CABLES1: variants seen among roughly 807,000 people sequenced by gnomAD.
CABLES1 encodes Cdk5 and Abl enzyme substrate 1, also known as CDK5 and ABL1 enzyme substrate 1.
A neutral mutation model predicts 57.8 loss-of-function variants in CABLES1; 36 were observed. The ratio of observed to expected loss-of-function variants is 0.62; its 90% CI spans 0.48 to 0.82. The LOEUF is 0.82. Ranked by LOEUF, CABLES1 falls within the 40% of genes least tolerant of loss-of-function variation. CABLES1 has a pLI of 0.00. For missense variants in CABLES1, 767 were observed against 836.6 expected, an observed-to-expected ratio of 0.92 and a Z score of 1.03; for synonymous variants, 374 against 363.0, an observed-to-expected ratio of 1.03 and a Z score of -0.35.
rs1007154610 is a variant in CABLES1 at position 23,246,647 on chromosome 18, T to C, written c.1447-6313T>C. On this transcript the variant is annotated intron_variant, in intron 7 of 9. Coordinates refer to ENST00000256925, the MANE Select transcript of CABLES1 (RefSeq NM_001100619.3). ...ACCTTGTGATCCGCCCACCTTGGCC[T>C]CCCAAAGTGCTGGGATTATATGCTT... Among the ~76,000 whole-genome samples, 5 of 151,728 alleles carry C rather than the reference T, an allele frequency of 3.3e-5. 1 individual carries two copies. The highest frequency in any genetic ancestry group is 7.3e-5 in the African/African-American group (3 of 41,088).
At chr18:23,143,823 A>G (rs2046873549) in intron 1 of CABLES1, among the ~76,000 whole-genome samples, 1 of 3,356 alleles carries the variant, frequency 3.0e-4, no homozygotes, top group South Asian at 0.02. Context: ...GACCCCTGTC[A>G]ATCCCTCCCC....
chr18:23,201,092 A>G (rs1449212057), intron 3 of CABLES1, among the ~76,000 whole-genome samples: 1 of 152,248 alleles, frequency 6.6e-6, no homozygotes, highest in Non-Finnish European at 1.5e-5. Flanking sequence ...CAAGATGCAG[A>G]TACTTCATTC....
chr18:23,212,994 CA>C (rs2047415737), intron 3 of CABLES1, among the ~76,000 whole-genome samples: 1 of 152,094 alleles, frequency 6.6e-6, no homozygotes, highest in Non-Finnish European at 1.5e-5. Context: ...ACGGTAAAAT[CA>C]GGGAAATTCT....
chr18:23,257,339 A>G lies in CABLES1; in HGVS notation c.1874A>G (p.His625Arg). ...LHLPEHEVMPHYRRLVQSS is the reference protein window; with the variant it reads ...LHLPEHEVMPRYRRLVQSS ...TTGCCCGAGCACGAAGTCATGCCCCACTACAGACGGCTGGTCCAGAGTTCC... is the reference window on the plus strand; with the variant it reads ...TTGCCCGAGCACGAAGTCATGCCCCGCTACAGACGGCTGGTCCAGAGTTCC... Residue 625 changes from histidine (H) to arginine (R), a missense_variant, in exon 10 of 10, where the codon CAC becomes CGC. Coordinates refer to ENST00000256925, the MANE Select transcript of CABLES1 (RefSeq NM_001100619.3). The G allele has an allele frequency of 1.2e-6, 2 of 1,611,732 alleles. No homozygotes were observed. The highest frequency in any genetic ancestry group is 1.7e-6 in the Non-Finnish European group (2 of 1,179,452).
chr18:23,240,108 A>G (rs1312840116), intron 7 of CABLES1, among the ~76,000 whole-genome samples: 2 of 152,148 alleles, frequency 1.3e-5, no homozygotes, highest in Non-Finnish European at 2.9e-5. Flanking sequence ...ATAAAGCAAG[A>G]CCCTGTCTCA....
Position 23,164,148 on chromosome 18 carries a change from G to C in CABLES1, c.846-24690G>C, listed in dbSNP as rs2047024322. ...ATAATTGTTTCAGAAACTTAATGCA[G>C]TTCAAAATATCACTTTCCCCTGAAG... is the stretch of plus-strand genomic sequence containing the variant. On this transcript the variant is annotated intron_variant, in intron 1 of 9. Transcript: ENST00000256925. 2.0e-5 allele frequency among the ~76,000 whole-genome samples: 3 copies of C among 152,190 alleles called. 1 individual carries two copies. In the South Asian group the frequency reaches 6.2e-4, roughly 31 times the overall value.
intron 1 of CABLES1, among the ~76,000 whole-genome samples, chr18:23,161,465 T>C (rs1296200422): frequency 6.6e-6 from 1 of 151,098 alleles, no homozygotes; most frequent in African/African-American, 2.4e-5. Flanking sequence ...GTGGGCTCCC[T>C]CTTTCTTGCA....
intron 7 of CABLES1, among the ~76,000 whole-genome samples, chr18:23,244,837 AGGTCAGAGAACAGT>A (rs934107936): frequency 9.8e-5 from 15 of 152,364 alleles, no homozygotes; most frequent in African/African-American, 3.6e-4. Context: ...GGCTGGCAGT[AGGTCAGAGAACAGT>A]GGCCGAGTGT....
intron 1 of CABLES1, among the ~76,000 whole-genome samples, chr18:23,159,066 A>G (rs1033261818): frequency 5.9e-5 from 9 of 152,150 alleles, no homozygotes; most frequent in Non-Finnish European, 1.2e-4. Flanking sequence ...CTTGAGTTCA[A>G]GCGATTCTCC....
chr18:23,230,148 G>A lies in CABLES1; in HGVS notation c.1089-4460G>A, dbSNP rs182848786. On this transcript the variant is annotated intron_variant, in intron 4 of 9. Coordinates refer to ENST00000256925, the MANE Select transcript of CABLES1 (RefSeq NM_001100619.3). The stretch of plus-strand genomic sequence containing the variant: ...CAGCACTTTGGGAGGCCAGGCGGGC[G>A]GATCACAAGGTCAGGAGATCGAGAC... Among the ~76,000 whole-genome samples, 865 of 152,294 alleles carry A rather than the reference G, an allele frequency of 5.7e-3. 3 individuals are homozygous for A. The highest frequency in any genetic ancestry group is 0.014 in the Middle Eastern group (4 of 294).
chr18:23,258,549 C>G lies in CABLES1; in HGVS notation c.*1182C>G, dbSNP rs1398017677. On this transcript the variant is annotated 3_prime_UTR_variant, in exon 10 of 10. Transcript: ENST00000256925. ...AGTCTGTATGAGGCATGTCACCACA[C>G]TGTCGCCTCATAGCTGCAAGAGAGA... is the stretch of plus-strand genomic sequence containing the variant. The G allele has an allele frequency of 1.3e-5, 2 of 152,232 alleles. No individual in the cohort carries two copies. Among genetic ancestry groups the G allele is most frequent in the Admixed American group, 1.3e-4 (2 of 15,284 alleles). 9.4% of individuals were successfully genotyped at this position (152,232 alleles called of 1,614,324 possible).
At chr18:23,174,287 C>T (rs1245705090) in intron 1 of CABLES1, among the ~76,000 whole-genome samples, 2 of 152,182 alleles carry the variant, frequency 1.3e-5, no homozygotes, top group East Asian at 1.9e-4. Flanking sequence ...ATCAGTACTT[C>T]GTTCCTTCTC....
At chr18:23,209,882 G>A (rs1476946002) in intron 3 of CABLES1, among the ~76,000 whole-genome samples, 6 of 152,122 alleles carry the variant, frequency 3.9e-5, no homozygotes, top group African/African-American at 1.4e-4. Context: ...ACCTTGCGGG[G>A]GGGCGGTCCT....
chr18:23,227,415 CA>C (rs1318109945), intron 4 of CABLES1, among the ~76,000 whole-genome samples: 1 of 152,182 alleles, frequency 6.6e-6, no homozygotes, highest in Non-Finnish European at 1.5e-5. Flanking sequence ...TGCCTTTAGA[CA>C]AAGATTTGGT....
chr18:23,227,251 C>T (rs2047534622), intron 4 of CABLES1, among the ~76,000 whole-genome samples: 1 of 152,124 alleles, frequency 6.6e-6, no homozygotes, highest in Non-Finnish European at 1.5e-5. Flanking sequence ...CCCCCTTCCT[C>T]CCCACCCACT....
At chr18:23,248,512 CTTTTTTTTTTTTT>C (rs59555750) in intron 7 of CABLES1, among the ~76,000 whole-genome samples, 3 of 90,714 alleles carry the variant, frequency 3.3e-5, no homozygotes, top group African/African-American at 4.3e-5. Context: ...GACCCTATGT[CTTTTTTTTTTTTT>C]TTTTTTTTTT....
At chr18:23,256,485 T>C (rs2048169406) in intron 9 of CABLES1, among the ~76,000 whole-genome samples, 1 of 152,264 alleles carries the variant, frequency 6.6e-6, no homozygotes, top group East Asian at 1.9e-4. Context: ...CTTTATTATT[T>C]TTATTTATTT....
chr18:23,135,259 C>G (rs920520664), upstream of CABLES1, among the ~76,000 whole-genome samples: 1 of 152,156 alleles, frequency 6.6e-6, no homozygotes, highest in Non-Finnish European at 1.5e-5. Context: ...CCCGGACAGC[C>G]GGGCCGATCC....
At chr18:23,161,774 A>G (rs1351574000) in intron 1 of CABLES1, among the ~76,000 whole-genome samples, 1 of 149,408 alleles carries the variant, frequency 6.7e-6, no homozygotes, top group African/African-American at 2.5e-5. Context: ...AAAAAAAAAA[A>G]AGCCAGGTGT....
Sources: allele counts gnomAD v4.1 joint callset (sites outside exome capture counted in the v4.1 genomes callset), GRCh38; gene constraint gnomAD v4.1.1; transcripts MANE v1.5; gene names NCBI Gene and HGNC (gene_info 2026-07-23, HGNC 2026-07-21).